Variants in WDR1 observed in about 807,000 individuals in gnomAD.
The protein encoded by WDR1 is WD repeat domain 1, also known as WD repeat-containing protein 1.
WDR1 carries 21 observed loss-of-function variants against 71.9 expected under a neutral mutation model. That is an observed-to-expected ratio of 0.29 (90% CI 0.21 to 0.42). The LOEUF (loss-of-function observed/expected upper bound fraction) is 0.42, where lower values mean the gene tolerates loss of function less well. Among genes scored for constraint, WDR1 ranks in the 10% least tolerant of loss-of-function variants. The pLI is 1.00. For missense variants in WDR1, 696 were observed against 824.5 expected (o/e 0.84, Z 1.91); for synonymous variants, 424 against 347.4 (o/e 1.22, Z -2.45).
chr4:10,082,781 T>C lies in WDR1; in HGVS notation c.1196+241A>G, dbSNP rs138686822. Among the ~76,000 whole-genome samples, 34 of 152,336 alleles carry C rather than the reference T, an allele frequency of 2.2e-4. No individual in the cohort carries two copies. The East Asian group carries it at 6.6e-3, about 29-fold the overall frequency. Reference sequence around the variant, plus strand: ...CAGGGCTGTGATCTGCTGCCCCTGCTTCCAGGGCAGAGTCCACACCTGGTC... The same window carrying C: ...CAGGGCTGTGATCTGCTGCCCCTGCCTCCAGGGCAGAGTCCACACCTGGTC... On this transcript the variant is annotated intron_variant, in intron 10 of 14. Coordinates refer to ENST00000499869, the MANE Select transcript of WDR1 (RefSeq NM_017491.5).
intron 5 of WDR1, 111 bp downstream of exon 5, chr4:10,097,600 T>A: frequency 7.7e-7 from 1 of 1,292,092 alleles, no homozygotes; most frequent in Non-Finnish European, 1.1e-6. Flanking sequence ...CTGTGTATCA[T>A]GGCATACGTG....
chr4:10,089,252 G>A (rs1489482349), intron 5 of WDR1, among the ~76,000 whole-genome samples: 11 of 152,202 alleles, frequency 7.2e-5, no homozygotes, highest in Non-Finnish European at 1.0e-4. Context: ...GGGACGACAG[G>A]TGCCCGCCAC....
chr4:10,097,160 C>A (rs1379791988), intron 5 of WDR1, among the ~76,000 whole-genome samples: 1 of 152,276 alleles, frequency 6.6e-6, no homozygotes, highest in Non-Finnish European at 1.5e-5. Context: ...TAAGGCGGGG[C>A]GCATGCACGG....
intron 3 of WDR1, 48 bp from the exon 4 acceptor site, chr4:10,099,187 A>C: frequency 3.0e-5 from 13 of 433,964 alleles, no homozygotes; most frequent in East Asian, 1.8e-4. Flanking sequence ...TGGTGGGGTA[A>C]AGGGCAGGGG....
intron 14 of WDR1, chr4:10,075,749 T>C: frequency 5.5e-6 from 3 of 548,522 alleles, no homozygotes; most frequent in Non-Finnish European, 9.9e-6. Context: ...CAGATGCCAG[T>C]GGCTCCCTCT....
intron 8 of WDR1, 114 bp from the exon 9 acceptor site, chr4:10,084,644 C>T (rs1765141429): frequency 8.4e-6 from 8 of 951,122 alleles, no homozygotes; most frequent in Non-Finnish European, 1.3e-5. Context: ...GCCCCTCAAT[C>T]CATGGCAGTG....
chr4:10,101,383 G>GC (rs1420069106), intron 3 of WDR1, among the ~76,000 whole-genome samples: 1 of 152,206 alleles, frequency 6.6e-6, no homozygotes, highest in Non-Finnish European at 1.5e-5. Context: ...CTCTTTCTCA[G>GC]CCCCCTTCTC....
chr4:10,087,399 C>T (rs1192248000), intron 8 of WDR1, among the ~76,000 whole-genome samples: 1 of 152,264 alleles, frequency 6.6e-6, no homozygotes, highest in Non-Finnish European at 1.5e-5. Flanking sequence ...AGGCAGAGCC[C>T]TGCAGGAAGT....
In WDR1 at chr4:10,116,707, C is replaced by A; in HGVS notation, c.-41G>T. The A allele has an allele frequency of 7.5e-7, 1 of 1,329,914 alleles. No homozygotes were observed. Among genetic ancestry groups the A allele is most frequent in the South Asian group, 1.9e-5 (1 of 54,044 alleles). 82.4% of individuals were successfully genotyped at this position (1,329,914 alleles called of 1,614,324 possible). On this transcript the variant is annotated 5_prime_UTR_variant, in exon 1 of 15. Coordinates refer to ENST00000499869, the MANE Select transcript of WDR1 (RefSeq NM_017491.5). ...ACCGCGCCGCGCTCGCCGAGAGCCT[C>A]CGGGGCCGGCCCGCGCTGCGAATTA...
intron 2 of WDR1, among the ~76,000 whole-genome samples, chr4:10,112,326 C>T (rs1404656838): frequency 6.6e-6 from 1 of 152,190 alleles, no homozygotes; most frequent in Non-Finnish European, 1.5e-5. Context: ...CCCCGAAGCA[C>T]AGACTATCCA....
Position 10,106,731 on chromosome 4 carries a change from C to T in WDR1, c.139-2745G>A, listed in dbSNP as rs557751911. ...TGCCAGCTGATGAATCACTCACTCT[C>T]GTTTGTATTCTAAATACAACTGGGT... On this transcript the variant is annotated intron_variant, in intron 2 of 14. Coordinates refer to ENST00000499869, the MANE Select transcript of WDR1 (RefSeq NM_017491.5). 3.5e-4 allele frequency among the ~76,000 whole-genome samples: 53 copies of T among 152,334 alleles called. No homozygotes were observed. In the South Asian group the frequency reaches 7.0e-3, roughly 20 times the overall value.
intron 5 of WDR1, 125 bp downstream of exon 5, chr4:10,097,585 CA>C (rs920258838): frequency 8.5e-7 from 1 of 1,176,780 alleles, no homozygotes; most frequent in African/African-American, 1.5e-5. Flanking sequence ...CCTGGGAGCC[CA>C]CTTCTGTGTA....
In WDR1 at chr4:10,075,139, G is replaced by C; in HGVS notation, c.*239C>G. The C allele has an allele frequency of 1.9e-6, 1 of 524,898 alleles. No homozygotes were observed. The highest frequency in any genetic ancestry group is 3.4e-6 in the Non-Finnish European group (1 of 296,132). The allele number at this position is 524,898 out of a possible 1,614,324, so 32.5% of individuals were successfully genotyped here. A position where few individuals can be genotyped will look rare whatever the true frequency, so the allele number is the denominator to read the frequency against. ...TGGTTGGGCTGTGGGTTTTAGTTAT[G>C]CTCCACACATTGTTTAGGTGCTCGC... On this transcript the variant is annotated 3_prime_UTR_variant, in exon 15 of 15. Transcript: ENST00000499869.
intron 2 of WDR1, among the ~76,000 whole-genome samples, chr4:10,104,719 C>G (rs542195705): frequency 6.6e-6 from 1 of 152,218 alleles, no homozygotes; most frequent in Non-Finnish European, 1.5e-5. Flanking sequence ...CACACACACA[C>G]TGGGCTGCTC....
At chr4:10,110,203 C>G (rs777006710) in intron 2 of WDR1, among the ~76,000 whole-genome samples, 1 of 152,210 alleles carries the variant, frequency 6.6e-6, no homozygotes, top group Non-Finnish European at 1.5e-5. Flanking sequence ...GTCTAAGGAG[C>G]AGGCACATCG....
At chr4:10,110,748 T>C (rs1294157182) in intron 2 of WDR1, among the ~76,000 whole-genome samples, 2 of 152,278 alleles carry the variant, frequency 1.3e-5, no homozygotes, top group Middle Eastern at 3.4e-3. Context: ...TTTTCAACCT[T>C]GGTACCCCTG....
intron 10 of WDR1, among the ~76,000 whole-genome samples, chr4:10,082,278 CCT>C (rs1426656296): frequency 6.6e-6 from 1 of 152,188 alleles, no homozygotes; most frequent in African/African-American, 2.4e-5. Context: ...CGTGCTGCAC[CCT>C]GTGCCAGGCT....
At chr4:10,079,715 G>C (rs1383164096) in intron 11 of WDR1, among the ~76,000 whole-genome samples, 1 of 152,184 alleles carries the variant, frequency 6.6e-6, no homozygotes, top group Non-Finnish European at 1.5e-5. Flanking sequence ...CTGTCATGAG[G>C]GAAGGCAGCC....
chr4:10,109,480 C>T (rs1202613834), intron 2 of WDR1, among the ~76,000 whole-genome samples: 2 of 152,232 alleles, frequency 1.3e-5, no homozygotes, highest in African/African-American at 4.8e-5. Flanking sequence ...GGCCAACCAG[C>T]TGTGTGCTTC....
Sources: allele counts gnomAD v4.1 joint callset (sites outside exome capture counted in the v4.1 genomes callset), GRCh38; gene constraint gnomAD v4.1.1; transcripts MANE v1.5; gene names NCBI Gene and HGNC (gene_info 2026-07-23, HGNC 2026-07-21).